ADK: variants seen among roughly 807,000 people sequenced by gnomAD.
The protein encoded by ADK is N6,N6-dimethyladenosine kinase.
In ADK, 24 loss-of-function variants were observed where a neutral mutation model predicts 44.7. The observed-to-expected ratio is 0.54, with a 90% confidence interval of 0.39 to 0.76. The LOEUF (loss-of-function observed/expected upper bound fraction) is 0.76, where lower values mean the gene tolerates loss of function less well. ADK is among the 30% of genes least tolerant of loss of function. The probability of loss-of-function intolerance (pLI) is 0.00; values close to 1 mark genes in which losing one functional copy is unlikely to be tolerated. For missense variants in ADK, 321 were observed against 425.1 expected, an observed-to-expected ratio of 0.76 and a Z score of 2.15; for synonymous variants, 128 against 142.6, an observed-to-expected ratio of 0.90 and a Z score of 0.73.
chr10:74,592,597 G>C (rs978423080), intron 8 of ADK, among the ~76,000 whole-genome samples: 2 of 151,446 alleles, frequency 1.3e-5, no homozygotes, highest in Non-Finnish European at 2.9e-5. Flanking sequence ...TTAAATTTTA[G>C]ATCTCTAAGA....
At chr10:74,529,944 T>C (rs1377945285) in intron 7 of ADK, among the ~76,000 whole-genome samples, 1 of 152,194 alleles carries the variant, frequency 6.6e-6, no homozygotes, top group Non-Finnish European at 1.5e-5. Context: ...GTGTTTACCC[T>C]GCCTTTGCTT....
chr10:74,704,754 C>T (rs1013231892), intron 10 of ADK, among the ~76,000 whole-genome samples: 2 of 152,104 alleles, frequency 1.3e-5, no homozygotes, highest in African/African-American at 2.4e-5. Context: ...TCATACCAGG[C>T]GGAATGAAGA....
intron 6 of ADK, among the ~76,000 whole-genome samples, chr10:74,404,943 T>G (rs1472714044): frequency 6.6e-6 from 1 of 152,130 alleles, no homozygotes; most frequent in Admixed American, 6.6e-5. Flanking sequence ...GAGCTATCGG[T>G]TTTTAGTTTT....
intron 7 of ADK, among the ~76,000 whole-genome samples, chr10:74,572,927 A>G (rs181786394): frequency 2.0e-5 from 3 of 152,108 alleles, no homozygotes; most frequent in Non-Finnish European, 4.4e-5. Flanking sequence ...AAAGTTTTCA[A>G]CTTCTTTGCC....
intron 9 of ADK, among the ~76,000 whole-genome samples, chr10:74,601,483 A>G (rs10824210): frequency 0.23 from 35,684 of 151,956 alleles, 5,195 homozygotes; most frequent in East Asian, 0.63. Flanking sequence ...CAGAATGGTC[A>G]AAAGCAAGAT....
chr10:74,233,731 A>C (rs979213216), intron 3 of ADK, among the ~76,000 whole-genome samples: 6 of 152,156 alleles, frequency 3.9e-5, no homozygotes, highest in Non-Finnish European at 5.9e-5. Flanking sequence ...CCATTAAACA[A>C]ATGATTTCTT....
At chr10:74,220,047 C>CA in intron 2 of ADK, among the ~76,000 whole-genome samples, 1 of 151,250 alleles carries the variant, frequency 6.6e-6, no homozygotes, top group South Asian at 2.1e-4. Flanking sequence ...AATAGAGACA[C>CA]AAAAAACCGT....
chr10:74,351,433 C>T (rs1251657976), intron 4 of ADK, among the ~76,000 whole-genome samples: 1 of 152,120 alleles, frequency 6.6e-6, no homozygotes, highest in African/African-American at 2.4e-5. Flanking sequence ...AATATAAGGG[C>T]TATTTATGAC....
chr10:74,154,247 T>G (rs1020364819), intron 1 of ADK, among the ~76,000 whole-genome samples: 1 of 152,062 alleles, frequency 6.6e-6, no homozygotes, highest in East Asian at 1.9e-4. Context: ...TGCCTCTCAG[T>G]TCTCAGATCT....
chr10:74,438,224 C>G (rs1845252973), intron 6 of ADK, among the ~76,000 whole-genome samples: 1 of 149,494 alleles, frequency 6.7e-6, no homozygotes, highest in East Asian at 1.9e-4. Flanking sequence ...GTCCTTGCCT[C>G]TCTCTCTCTT....
chr10:74,600,369 C>A lies in ADK; in HGVS notation c.763-10C>A. The A allele has an allele frequency of 6.3e-7, 1 of 1,583,464 alleles. No homozygotes were observed. The highest frequency in any genetic ancestry group is 8.6e-7 in the Non-Finnish European group (1 of 1,156,958). ...GGTCATGAGAATTTTTTCCTTCCTT[C>A]TATTAATAGACTAAAGACATTAAAG... On this transcript the variant is annotated splice_polypyrimidine_tract_variant and intron_variant, in intron 8 of 10. Coordinates refer to ENST00000539909, the MANE Select transcript of ADK (RefSeq NM_006721.4).
intron 1 of ADK, among the ~76,000 whole-genome samples, chr10:74,172,872 C>T (rs1842206114): frequency 6.7e-6 from 1 of 149,158 alleles, no homozygotes; most frequent in Non-Finnish European, 1.5e-5. Flanking sequence ...CACCACTGCC[C>T]TCCAGCTTGG....
chr10:74,576,010 C>G (rs1851171263), intron 7 of ADK, among the ~76,000 whole-genome samples: 1 of 151,514 alleles, frequency 6.6e-6, no homozygotes, highest in African/African-American at 2.4e-5. Context: ...GTCAAAAGGA[C>G]ACAGAAAGTG....
intron 7 of ADK, among the ~76,000 whole-genome samples, chr10:74,537,665 G>T (rs1258840184): frequency 2.0e-5 from 3 of 152,014 alleles, no homozygotes; most frequent in Admixed American, 2.0e-4. Context: ...ATAATCACTA[G>T]ATAATTAACC....
intron 8 of ADK, among the ~76,000 whole-genome samples, chr10:74,595,585 C>T (rs375623334): frequency 2.0e-5 from 3 of 151,106 alleles, no homozygotes; most frequent in East Asian, 4.0e-4. Context: ...ACTGTGTTAA[C>T]CAGGATGGTC....
At chr10:74,567,686 TTTTGTTTTTTTTG>T (rs1352339590) in intron 7 of ADK, among the ~76,000 whole-genome samples, 5 of 138,332 alleles carry the variant, frequency 3.6e-5, no homozygotes, top group African/African-American at 1.5e-4. Context: ...TCTCTGTTTT[TTTTGTTTTTTTTG>T]TTTTTTTTTT....
chr10:74,580,836 A>G (rs982314820), intron 7 of ADK, among the ~76,000 whole-genome samples: 5 of 152,172 alleles, frequency 3.3e-5, no homozygotes, highest in Admixed American at 1.3e-4. Flanking sequence ...TATCCAATCA[A>G]AAATTACCTT....
chr10:74,655,566 A>G, intron 9 of ADK: 1 of 486,334 alleles, frequency 2.1e-6, no homozygotes. Flanking sequence ...GCTGGCCCCA[A>G]GAAAGAGGTG....
chr10:74,674,436 C>T (rs1855306412), intron 10 of ADK, among the ~76,000 whole-genome samples: 1 of 152,122 alleles, frequency 6.6e-6, no homozygotes, highest in African/African-American at 2.4e-5. Context: ...GAATTTGAGA[C>T]CAGCCTGACC....
Sources: allele counts gnomAD v4.1 joint callset (sites outside exome capture counted in the v4.1 genomes callset), GRCh38; gene constraint gnomAD v4.1.1; transcripts MANE v1.5; gene names NCBI Gene and HGNC (gene_info 2026-07-23, HGNC 2026-07-21).